EOGT: variants seen among roughly 807,000 people sequenced by gnomAD.
EOGT encodes EGF domain-specific O-linked N-acetylglucosamine transferase.
EOGT carries 55 observed loss-of-function variants against 70.5 expected under a neutral mutation model. That is an observed-to-expected ratio of 0.78 (90% CI 0.63 to 0.98). The LOEUF (loss-of-function observed/expected upper bound fraction) is 0.98. EOGT is among the 50% of genes least tolerant of loss of function. The pLI, the probability that EOGT is intolerant of heterozygous loss-of-function variation, is 0.00. For missense variants in EOGT, 703 were observed against 641.9 expected (o/e 1.10, Z -1.03); for synonymous variants, 246 against 217.1 (o/e 1.13, Z -1.17).
At chr3:68,983,734 C>A (rs541461618) in intron 14 of EOGT, among the ~76,000 whole-genome samples, 1 of 152,158 alleles carries the variant, frequency 6.6e-6, no homozygotes, top group South Asian at 2.1e-4. Flanking sequence ...GAGGCCGAGG[C>A]GGGCAGATCA....
intron 8 of EOGT, among the ~76,000 whole-genome samples, chr3:69,001,983 A>G (rs1452312550): frequency 6.6e-6 from 1 of 152,194 alleles, no homozygotes; most frequent in Non-Finnish European, 1.5e-5. Flanking sequence ...CGAGGTCAGG[A>G]GATCAAGACC....
Position 68,982,459 on chromosome 3 carries a change from G to C in EOGT, c.1214+352C>G, listed in dbSNP as rs10049193. 9.9e-3 allele frequency among the ~76,000 whole-genome samples: 1,510 copies of C among 152,272 alleles called. 23 individuals are homozygous for C. Among genetic ancestry groups the C allele is most frequent in the African/African-American group, 0.035 (1,443 of 41,556 alleles). ...TACTTGAACCCAGGAGGTGGAGGTT[G>C]CAGTGAGCTGAGATGGCACCACTGC... On this transcript the variant is annotated intron_variant, in intron 15 of 17. Transcript: ENST00000383701.
At chr3:68,994,287 T>A (rs778328954) in intron 10 of EOGT, among the ~76,000 whole-genome samples, 4 of 151,978 alleles carry the variant, frequency 2.6e-5, no homozygotes, top group Non-Finnish European at 4.4e-5. Context: ...AAGGCTGCAG[T>A]GAGCTAGGAT....
chr3:68,988,725 A>G (rs1270439561), intron 11 of EOGT, 148 bp from the exon 12 acceptor site: 1 of 645,552 alleles, frequency 1.5e-6, no homozygotes, highest in Middle Eastern at 4.2e-4. Flanking sequence ...AACAGAATTC[A>G]TATTTTTGGA....
At chr3:68,985,082 T>A (rs564446414) in intron 14 of EOGT, among the ~76,000 whole-genome samples, 68 of 152,190 alleles carry the variant, frequency 4.5e-4, no homozygotes, top group Non-Finnish European at 6.3e-4. Context: ...CTGGGAGGGT[T>A]GGGGGGCACA....
At position 68,993,203 on chromosome 3, in the gene EOGT, A is replaced by T. The variant is rs559253886; in HGVS notation, c.832-4186T>A. On this transcript the variant is annotated intron_variant, in intron 10 of 17. Transcript: ENST00000383701. Reference sequence around the variant, plus strand: ...AGTTGGTTTTTATTTTCTATTGCACAATCAGGCTGCAAATTTTCTGAACTT... The same window carrying T: ...AGTTGGTTTTTATTTTCTATTGCACTATCAGGCTGCAAATTTTCTGAACTT... Among the ~76,000 whole-genome samples, 15 of 152,266 alleles carry T rather than the reference A, an allele frequency of 9.9e-5. No individual in the cohort carries two copies. The South Asian group carries it at 3.1e-3, about 32-fold the overall frequency.
chr3:68,985,854 G>A (rs1367392601), intron 14 of EOGT, among the ~76,000 whole-genome samples: 1 of 152,182 alleles, frequency 6.6e-6, no homozygotes, highest in Non-Finnish European at 1.5e-5. Context: ...AGTTCTGCAG[G>A]ATGGGAGCCT....
chr3:69,000,451 A>T (rs2091266526), intron 9 of EOGT, among the ~76,000 whole-genome samples: 1 of 152,226 alleles, frequency 6.6e-6, no homozygotes, highest in South Asian at 2.1e-4. Context: ...TTTAAAAACG[A>T]GTCAAAACCT....
rs1349259233 is a variant in EOGT, at chr3:68,988,917, T to G, written c.924+8A>C. On this transcript the variant is annotated splice_region_variant and intron_variant, in intron 11 of 17. Transcript: ENST00000383701. ...TATTCACAGACATTTCAGGAAAATTTCCAGTACCCTTTTGGAATCATAAGT... is the reference window on the plus strand; with the variant it reads ...TATTCACAGACATTTCAGGAAAATTGCCAGTACCCTTTTGGAATCATAAGT... 1.4e-6 allele frequency: 2 copies of G among 1,466,002 alleles called. No individual in the cohort carries two copies. The highest frequency in any genetic ancestry group is 4.3e-5 in the Admixed American group (2 of 46,778). 90.8% of individuals were successfully genotyped at this position (1,466,002 alleles called of 1,614,324 possible).
chr3:68,982,934 A>G, intron 14 of EOGT, 62 bp from the exon 15 acceptor site: 1 of 1,315,272 alleles, frequency 7.6e-7, no homozygotes, highest in Non-Finnish European at 1.1e-6. Context: ...TTTTTCCCTT[A>G]TGAGTCCTAA....
intron 10 of EOGT, among the ~76,000 whole-genome samples, chr3:68,994,655 G>A (rs976757342): frequency 4.6e-5 from 7 of 152,078 alleles, no homozygotes; most frequent in African/African-American, 1.7e-4. Context: ...AGCCAGGTGT[G>A]ATAGCACACA....
Position 68,979,663 on chromosome 3 carries a change from C to T in EOGT, c.1334+5G>A. ...TTCAGTGTAAAACTGCCTCCCAACA[C>T]TTACAGTTCAAATACAGCAGCCCAG... On this transcript the variant is annotated splice_donor_5th_base_variant and intron_variant, in intron 16 of 17. Coordinates refer to ENST00000383701, the MANE Select transcript of EOGT (RefSeq NM_001278689.2). 1 of 1,613,232 alleles carries T rather than the reference C, an allele frequency of 6.2e-7. No individual in the cohort carries two copies. The highest frequency in any genetic ancestry group is 8.5e-7 in the Non-Finnish European group (1 of 1,179,608).
intron 11 of EOGT, 118 bp downstream of exon 11, chr3:68,988,799 AAGAAATTC>A (rs1185326193): frequency 2.9e-5 from 19 of 661,682 alleles, no homozygotes; most frequent in African/African-American, 5.5e-5. Context: ...CTAATTATAA[AAGAAATTC>A]AGAAATTCAG....
At chr3:69,005,874 C>T (rs951855197) in intron 6 of EOGT, among the ~76,000 whole-genome samples, 39 of 152,296 alleles carry the variant, frequency 2.6e-4, no homozygotes, top group African/African-American at 9.4e-4. Context: ...GATTTAAATG[C>T]CATTTTAATT....
rs995190971 is a variant in EOGT, at chr3:68,998,189, C to T, written c.728-75G>A. ...TCAAGCAAGTTTTATTCTATCCCAT[C>T]TATTTACAGTTTAAGAGAATTTTAG... On this transcript the variant is annotated intron_variant, in intron 9 of 17. Transcript: ENST00000383701. The T allele has an allele frequency of 1.7e-5, 13 of 784,626 alleles. 1 individual carries two copies. Among genetic ancestry groups the T allele is most frequent in the Non-Finnish European group, 2.1e-5 (10 of 468,366 alleles). The allele number at this position is 784,626 out of a possible 1,614,324, so 48.6% of individuals were successfully genotyped here.
chr3:68,999,703 A>T (rs890191358), intron 9 of EOGT, among the ~76,000 whole-genome samples: 1 of 152,228 alleles, frequency 6.6e-6, no homozygotes, highest in Non-Finnish European at 1.5e-5. Context: ...ATCAGAATCT[A>T]TCCTCTTTTC....
intron 8 of EOGT, among the ~76,000 whole-genome samples, chr3:69,003,117 T>C (rs1434140664): frequency 6.6e-6 from 1 of 152,026 alleles, no homozygotes; most frequent in Admixed American, 6.6e-5. Context: ...CCCCTCTCTC[T>C]CCCTACCTAC....
intron 14 of EOGT, among the ~76,000 whole-genome samples, chr3:68,986,514 C>T (rs185369491): frequency 1.1e-3 from 160 of 152,314 alleles, no homozygotes; most frequent in Admixed American, 4.1e-3. Context: ...TCTCAAGATG[C>T]TACAGTCATA....
intron 10 of EOGT, among the ~76,000 whole-genome samples, chr3:68,994,663 A>T (rs2091094043): frequency 6.6e-6 from 1 of 152,036 alleles, no homozygotes; most frequent in Admixed American, 6.5e-5. Context: ...GTGATAGCAC[A>T]CACTGTCATC....
Sources: allele counts gnomAD v4.1 joint callset (sites outside exome capture counted in the v4.1 genomes callset), GRCh38; gene constraint gnomAD v4.1.1; transcripts MANE v1.5; gene names NCBI Gene and HGNC (gene_info 2026-07-23, HGNC 2026-07-21).